The following FAM20B variants were observed in gnomAD, a reference collection of about 807,000 sequenced individuals.
The protein encoded by FAM20B is FAM20B glycosaminoglycan xylosylkinase.
In FAM20B, 23 loss-of-function variants were observed where a neutral mutation model predicts 43.8. The observed-to-expected ratio is 0.53, with a 90% CI of 0.38 to 0.74. The LOEUF is 0.74. FAM20B is among the 30% of genes least tolerant of loss of function. The probability of loss-of-function intolerance (pLI) is 0.00; values close to 1 mark genes in which losing one functional copy is unlikely to be tolerated. For missense variants in FAM20B, 440 were observed against 510.5 expected (o/e 0.86, Z 1.33); for synonymous variants, 178 against 192.4 (o/e 0.93, Z 0.62).
the FAM20B span, among the ~76,000 whole-genome samples, chr1:179,019,605 G>A: frequency 6.6e-6 from 1 of 152,034 alleles, no homozygotes; most frequent in African/African-American, 2.4e-5. Context: ...TGGGATTACA[G>A]GCATGTGCCA....
At position 179,064,416 on chromosome 1, in the gene FAM20B, C is replaced by G; in HGVS notation, c.858C>G (p.Gly286=). 1 of 1,614,094 alleles carries G rather than the reference C, an allele frequency of 6.2e-7. No homozygotes were observed. The highest frequency in any genetic ancestry group is 8.5e-7 in the Non-Finnish European group (1 of 1,179,974). ...CAGCTGTCTTTGATTACCTGATTGG[C>G]AATGCTGACCGCCATCACTATGAGA... ...IDTAVFDYLI[G]NADRHHYESF... The change falls in exon 6 of 8, where the codon GGC becomes GGG. Residue 286 remains glycine (G), a synonymous_variant. Transcript: ENST00000263733.
At chr1:179,032,313 C>CTTT (rs547439601) in intron 1 of FAM20B, among the ~76,000 whole-genome samples, 1,622 of 111,744 alleles carry the variant, frequency 0.015, 128 homozygotes, top group African/African-American at 0.039. Context: ...AGGTCTCATT[C>CTTT]TTTTTTTTTT....
At chr1:179,040,619 G>A (rs1650458224) in intron 1 of FAM20B, among the ~76,000 whole-genome samples, 1 of 139,200 alleles carries the variant, frequency 7.2e-6, no homozygotes, top group South Asian at 2.2e-4. Flanking sequence ...CGGCCGGGCA[G>A]AGGCGCCCCT....
At chr1:179,042,171 G>A (rs1183802348) in intron 1 of FAM20B, among the ~76,000 whole-genome samples, 1 of 152,204 alleles carries the variant, frequency 6.6e-6, no homozygotes, top group Non-Finnish European at 1.5e-5. Context: ...AGCCTTGCAG[G>A]CCGTGCTCAG....
intron 3 of FAM20B, 65 bp downstream of exon 3, chr1:179,050,430 C>T: frequency 8.8e-7 from 1 of 1,131,198 alleles, no homozygotes; most frequent in Non-Finnish European, 1.3e-6. Context: ...TTGGAGAGGA[C>T]TCGTGGACTC....
intron 1 of FAM20B, among the ~76,000 whole-genome samples, chr1:179,028,148 G>A (rs1011775844): frequency 7.9e-5 from 12 of 152,158 alleles, no homozygotes; most frequent in Non-Finnish European, 1.5e-4. Context: ...CATTTCATTA[G>A]TGTAAAACCC....
chr1:179,036,891 G>A (rs1162023805), intron 1 of FAM20B, among the ~76,000 whole-genome samples: 2 of 152,318 alleles, frequency 1.3e-5, no homozygotes, highest in East Asian at 3.9e-4. Context: ...TTGAAAGGAG[G>A]CTCAGACTTT....
At chr1:179,045,401 T>C (rs550864564) in intron 2 of FAM20B, among the ~76,000 whole-genome samples, 51 of 152,326 alleles carry the variant, frequency 3.3e-4, no homozygotes, top group African/African-American at 1.2e-3. Context: ...TAGATTTCTT[T>C]CTGGAGTGGG....
intron 1 of FAM20B, among the ~76,000 whole-genome samples, chr1:179,033,636 A>G (rs1297604625): frequency 6.6e-6 from 1 of 152,194 alleles, no homozygotes; most frequent in Non-Finnish European, 1.5e-5. Context: ...GGGTTTTACA[A>G]ACTACCTCAA....
chr1:179,074,606 C>T lies in FAM20B; in HGVS notation c.*2462C>T, dbSNP rs1377584075. On this transcript the variant is annotated 3_prime_UTR_variant, in exon 8 of 8. Transcript: ENST00000263733. ...TCTCATCCTTTCTTGAAAGCATTTG[C>T]AGAAAATATATCATTTCATTTTATT... 1 of 152,126 alleles carries T rather than the reference C, an allele frequency of 6.6e-6. No individual in the cohort carries two copies. The highest frequency in any genetic ancestry group is 1.5e-5 in the Non-Finnish European group (1 of 68,020). 9.4% of individuals were successfully genotyped at this position (152,126 alleles called of 1,614,324 possible). A position where few individuals can be genotyped will look rare whatever the true frequency, so the allele number is the denominator to read the frequency against.
chr1:179,036,047 T>C (rs1209988348), intron 1 of FAM20B, among the ~76,000 whole-genome samples: 7 of 152,116 alleles, frequency 4.6e-5, no homozygotes, highest in Non-Finnish European at 1.5e-5. Context: ...GGACAATCGC[T>C]TGAATCCAGG....
intron 4 of FAM20B, among the ~76,000 whole-genome samples, chr1:179,060,408 T>C (rs577258585): frequency 6.6e-6 from 1 of 152,140 alleles, no homozygotes; most frequent in East Asian, 1.9e-4. Context: ...GTCTGTGGCG[T>C]GGTAGGAACT....
At chr1:179,034,165 G>A (rs1650123214) in intron 1 of FAM20B, among the ~76,000 whole-genome samples, 1 of 152,188 alleles carries the variant, frequency 6.6e-6, no homozygotes, top group Admixed American at 6.5e-5. Flanking sequence ...GGATAGCCAA[G>A]GGTTGGCTGG....
the FAM20B span, among the ~76,000 whole-genome samples, chr1:179,018,302 G>A: frequency 1.3e-5 from 2 of 152,090 alleles, no homozygotes; most frequent in Non-Finnish European, 2.9e-5. Flanking sequence ...CCTCAGCATG[G>A]AATACCAAAG....
rs576844519 is a variant in FAM20B, at chr1:179,043,825, G to A, written c.-23G>A. 3 of 1,568,596 alleles carry A rather than the reference G, an allele frequency of 1.9e-6. No individual in the cohort carries two copies. Among genetic ancestry groups the A allele is most frequent in the Admixed American group, 3.5e-5 (2 of 57,712 alleles). On this transcript the variant is annotated 5_prime_UTR_variant, in exon 2 of 8. Coordinates refer to ENST00000263733, the MANE Select transcript of FAM20B (RefSeq NM_014864.4). ...TTAATACATGAGCAAGAGTGGGTCA[G>A]GGGAGAAGGAAAAGAGGTCAACATG... is the stretch of plus-strand genomic sequence containing the variant.
At position 179,064,339 on chromosome 1, in the gene FAM20B, A is replaced by C; in HGVS notation, c.781A>C (p.Lys261Gln). ...EYDESYCDAVKKTSPYDSGPR... is the reference protein window; with the variant it reads ...EYDESYCDAVQKTSPYDSGPR... ...TGATGAGAGCTACTGTGATGCTGTG[A>C]AGAAAACGTCCCCTTATGACTCTGG... Residue 261 changes from lysine to glutamine, a missense_variant, in exon 6 of 8, where the codon AAG (lysine) becomes CAG (glutamine). By Grantham distance (53) the Lys-to-Gln change is moderately conservative. Coordinates refer to ENST00000263733, the MANE Select transcript of FAM20B (RefSeq NM_014864.4). 1 of 1,613,040 alleles carries C rather than the reference A, an allele frequency of 6.2e-7. No individual in the cohort carries two copies. Among genetic ancestry groups the C allele is most frequent in the Non-Finnish European group, 8.5e-7 (1 of 1,179,234 alleles).
chr1:179,022,479 C>CAT (rs1253156838), upstream of FAM20B, among the ~76,000 whole-genome samples: 1 of 152,150 alleles, frequency 6.6e-6, no homozygotes, highest in African/African-American at 2.4e-5. Flanking sequence ...CGCGTGTATG[C>CAT]ATATATATTT....
chr1:179,055,315 A>G (rs1420827313), intron 4 of FAM20B, among the ~76,000 whole-genome samples: 1 of 152,130 alleles, frequency 6.6e-6, no homozygotes, highest in East Asian at 1.9e-4. Flanking sequence ...CCACCTCTTC[A>G]CCTTGACTCT....
Position 179,073,189 on chromosome 1 carries a change from A to G in FAM20B, c.*1045A>G, listed in dbSNP as rs2102532342. On this transcript the variant is annotated 3_prime_UTR_variant, in exon 8 of 8. Transcript: ENST00000263733. ...TCGGCAACCTTTTTGTCCCTTTCTCATAAGAAAGGGACACTCCTACAGGTG... is the reference window on the plus strand; with the variant it reads ...TCGGCAACCTTTTTGTCCCTTTCTCGTAAGAAAGGGACACTCCTACAGGTG... 6.6e-6 allele frequency: 1 copy of G among 152,174 alleles called. No homozygotes were observed. The highest frequency in any genetic ancestry group is 1.9e-4 in the East Asian group (1 of 5,196). The allele number at this position is 152,174 out of a possible 1,614,324, so 9.4% of individuals were successfully genotyped here.
Sources: allele counts gnomAD v4.1 joint callset (sites outside exome capture counted in the v4.1 genomes callset), GRCh38; gene constraint gnomAD v4.1.1; transcripts MANE v1.5; gene names NCBI Gene and HGNC (gene_info 2026-07-23, HGNC 2026-07-21).